The following CCDC91 variants were observed in gnomAD, a reference collection of about 807,000 sequenced individuals.
CCDC91 encodes coiled-coil domain containing 91.
A neutral mutation model predicts 63.2 loss-of-function variants in CCDC91; 48 were observed. The observed-to-expected ratio is 0.76, with a 90% CI of 0.60 to 0.97. The LOEUF (loss-of-function observed/expected upper bound fraction) is 0.97, where lower values mean the gene tolerates loss of function less well. Among genes scored for constraint, CCDC91 ranks in the 50% least tolerant of loss-of-function variants. CCDC91 has a pLI of 0.00. For synonymous variants in CCDC91, 167 were observed against 165.8 expected (o/e 1.01, Z -0.06); for missense variants, 500 against 494.6 (o/e 1.01, Z -0.10).
rs760952491 is a variant in CCDC91, at chr12:28,489,140, C to T, written c.1215+4975C>T. Among the ~76,000 whole-genome samples the T allele has an allele frequency of 3.3e-5, 5 of 151,822 alleles. No individual in the cohort carries two copies. In the South Asian group the frequency reaches 6.2e-4, roughly 19 times the overall value. ...GTTCTAAATCATAAAAATTATCTTG[C>T]GGGGAAAGTTTCTTCTTTTCAGCCC... is the stretch of plus-strand genomic sequence containing the variant. On this transcript the variant is annotated intron_variant, in intron 12 of 12. Coordinates refer to ENST00000536442, the MANE Select transcript of CCDC91 (RefSeq NM_018318.5).
At chr12:28,329,199 G>T (rs148086255) in intron 6 of CCDC91, among the ~76,000 whole-genome samples, 1 of 152,266 alleles carries the variant, frequency 6.6e-6, no homozygotes, top group African/African-American at 2.4e-5. Flanking sequence ...TGGATTTCAA[G>T]GGCCAATAAT....
chr12:28,307,026 C>G lies in CCDC91; in HGVS notation c.471+81C>G, dbSNP rs1938815183. ...TAATCTCAAACTCTGATTAAAAACT[C>G]ATCAGAGGAAGAAGATACTTTTCTC... On this transcript the variant is annotated intron_variant, in intron 5 of 12. Coordinates refer to ENST00000536442, the MANE Select transcript of CCDC91 (RefSeq NM_018318.5). The G allele has an allele frequency of 4.4e-6, 4 of 908,986 alleles. No individual in the cohort carries two copies. The East Asian group carries it at 1.0e-4, about 24-fold the overall frequency. The allele number at this position is 908,986 out of a possible 1,614,324, so 56.3% of individuals were successfully genotyped here.
chr12:28,429,424 G>A (rs554612381), intron 8 of CCDC91, among the ~76,000 whole-genome samples: 27 of 152,090 alleles, frequency 1.8e-4, no homozygotes, highest in Non-Finnish European at 3.7e-4. Flanking sequence ...CAACATACTA[G>A]AAAGGATTTT....
At chr12:28,196,159 T>TCG (rs955408397) in intron 1 of CCDC91, among the ~76,000 whole-genome samples, 2 of 152,122 alleles carry the variant, frequency 1.3e-5, no homozygotes, top group African/African-American at 4.8e-5. Flanking sequence ...TTGATTTCTC[T>TCG]CTGTTTTTAA....
At position 28,483,950 on chromosome 12, in the gene CCDC91, T is replaced by G. The variant is rs190415402; in HGVS notation, c.1102-102T>G. 3.7e-4 allele frequency: 223 copies of G among 604,572 alleles called. 1 individual carries two copies. In the East Asian group the frequency reaches 6.1e-3, roughly 17 times the overall value. The allele number at this position is 604,572 out of a possible 1,614,324, so 37.5% of individuals were successfully genotyped here. On this transcript the variant is annotated intron_variant, in intron 11 of 12. Coordinates refer to ENST00000536442, the MANE Select transcript of CCDC91 (RefSeq NM_018318.5). ...GTGTAAAGGTACACTTTGAATAGAA[T>G]GAGCTGAAACCCGCTGAAGAGGATG...
intron 12 of CCDC91, among the ~76,000 whole-genome samples, chr12:28,521,427 C>T (rs1184649466): frequency 6.6e-6 from 1 of 152,098 alleles, no homozygotes; most frequent in Non-Finnish European, 1.5e-5. Flanking sequence ...GATTCTGTAT[C>T]CTGAGACTTT....
At chr12:28,350,177 C>T (rs1191532890) in intron 6 of CCDC91, among the ~76,000 whole-genome samples, 1 of 152,112 alleles carries the variant, frequency 6.6e-6, no homozygotes, top group Non-Finnish European at 1.5e-5. Flanking sequence ...CAAAACAAAA[C>T]AGAAAACCTA....
At chr12:28,377,264 C>A (rs1228855028) in intron 7 of CCDC91, among the ~76,000 whole-genome samples, 1 of 151,256 alleles carries the variant, frequency 6.6e-6, no homozygotes, top group Admixed American at 6.6e-5. Context: ...TCTGGCTTGC[C>A]TTGTTTGTTT....
intron 11 of CCDC91, among the ~76,000 whole-genome samples, chr12:28,472,531 G>A (rs1427296159): frequency 6.6e-6 from 1 of 152,112 alleles, no homozygotes; most frequent in African/African-American, 2.4e-5. Flanking sequence ...TGGGGTAATA[G>A]CATCTGCTTG....
chr12:28,272,079 A>G (rs1947810851), intron 3 of CCDC91, among the ~76,000 whole-genome samples: 1 of 151,742 alleles, frequency 6.6e-6, no homozygotes, highest in Admixed American at 6.6e-5. Context: ...GATTTCCGTA[A>G]TTGTTTTGGG....
At chr12:28,540,103 AG>A (rs1942515620) in intron 12 of CCDC91, among the ~76,000 whole-genome samples, 1 of 152,166 alleles carries the variant, frequency 6.6e-6, no homozygotes. Flanking sequence ...AGATTGTACA[AG>A]CCTAGCAGGT....
chr12:28,249,391 A>G (rs1224401043), intron 1 of CCDC91, among the ~76,000 whole-genome samples: 2 of 152,218 alleles, frequency 1.3e-5, no homozygotes, highest in African/African-American at 4.8e-5. Context: ...CAAGAGTTGT[A>G]TAGAAATCAG....
chr12:28,369,041 C>T (rs1352377518), intron 7 of CCDC91, among the ~76,000 whole-genome samples: 1 of 152,092 alleles, frequency 6.6e-6, no homozygotes, highest in Non-Finnish European at 1.5e-5. Context: ...GTCATTCTGT[C>T]CCTGGCCCTT....
At chr12:28,248,265 GT>G (rs1945890673) in intron 1 of CCDC91, among the ~76,000 whole-genome samples, 1 of 152,128 alleles carries the variant, frequency 6.6e-6, no homozygotes, top group Admixed American at 6.6e-5. Flanking sequence ...TCAATCTTGA[GT>G]TTTGGTTGTA....
intron 3 of CCDC91, among the ~76,000 whole-genome samples, chr12:28,264,585 C>CTGTATGTGTG (rs1555169638): frequency 4.7e-4 from 65 of 137,316 alleles, no homozygotes; most frequent in Non-Finnish European, 7.1e-4. Flanking sequence ...ATATGTCTGT[C>CTGTATGTGTG]TGTGTGTGTG....
intron 12 of CCDC91, among the ~76,000 whole-genome samples, chr12:28,536,512 T>C (rs1942189167): frequency 6.6e-6 from 1 of 152,206 alleles, no homozygotes; most frequent in Non-Finnish European, 1.5e-5. Flanking sequence ...TTAAATCAGA[T>C]TTTCTGGATG....
At chr12:28,353,014 G>A (rs1943283443) in intron 6 of CCDC91, among the ~76,000 whole-genome samples, 1 of 152,180 alleles carries the variant, frequency 6.6e-6, no homozygotes, top group African/African-American at 2.4e-5. Context: ...CTGTTGTTTA[G>A]TGTTGCCACC....
At chr12:28,295,524 A>G (rs1949513718) in intron 3 of CCDC91, among the ~76,000 whole-genome samples, 1 of 151,976 alleles carries the variant, frequency 6.6e-6, no homozygotes. Flanking sequence ...TTAGATAATA[A>G]TTTATTTATT....
intron 12 of CCDC91, among the ~76,000 whole-genome samples, chr12:28,530,991 C>G (rs1029892537): frequency 1.2e-4 from 18 of 152,134 alleles, no homozygotes; most frequent in African/African-American, 4.3e-4. Flanking sequence ...AGTCCCTTAC[C>G]TCCAGAAACA....
Sources: gnomAD v4.1 joint callset for allele counts (sites outside exome capture counted in the v4.1 genomes callset) on GRCh38, gnomAD v4.1.1 for gene constraint, MANE v1.5 for transcripts, NCBI Gene and HGNC (gene_info 2026-07-23, HGNC 2026-07-21) for gene names.